Variants in ANK3 observed in about 807,000 individuals in gnomAD.
ANK3 encodes ankyrin 3.
Under a neutral mutation model 370.9 loss-of-function variants are expected in ANK3, and 57 were observed. That is an observed-to-expected ratio of 0.15 (90% CI 0.12 to 0.19). ANK3 has a LOEUF of 0.19. Among genes scored for constraint, ANK3 ranks in the 10% least tolerant of loss-of-function variants. The pLI is 1.00. For missense variants in ANK3, 4,439 were observed against 5,302.1 expected, an observed-to-expected ratio of 0.84 and a Z score of 5.06; for synonymous variants, 1,929 against 1,946.3, an observed-to-expected ratio of 0.99 and a Z score of 0.23.
intron 8 of ANK3, among the ~76,000 whole-genome samples, chr10:60,232,779 A>G (rs1227736509): frequency 6.6e-6 from 1 of 152,082 alleles, no homozygotes; most frequent in Non-Finnish European, 1.5e-5. Flanking sequence ...AGGGCAGGGG[A>G]AGTGTTGTGG....
chr10:60,059,571 A>G, intron 40 of ANK3, 141 bp from the exon 41 acceptor site: 1 of 1,242,658 alleles, frequency 8.0e-7, no homozygotes, highest in Non-Finnish European at 1.2e-6. Context: ...CTCTTCCATC[A>G]TCTCCTCATC....
intron 1 of ANK3, among the ~76,000 whole-genome samples, chr10:60,359,328 A>T (rs1235702956): frequency 6.6e-6 from 1 of 152,168 alleles, no homozygotes; most frequent in Non-Finnish European, 1.5e-5. Context: ...ACTCCTCTCC[A>T]GCTAAAGCAT....
Position 60,663,232 on chromosome 10 carries a change from T to C in ANK3, c.58-48008A>G, listed in dbSNP as rs555790602. ...TTGAAATTCTGATTCAAGAAACTAC[T>C]ACAAGCATTTTGTGGGGAAAGGGCC... On this transcript the variant is annotated intron_variant, in intron 1 of 43. Coordinates refer to the ANK3 transcript ENST00000373827. 2.6e-5 allele frequency among the ~76,000 whole-genome samples: 4 copies of C among 152,354 alleles called. No homozygotes were observed. In the South Asian group the frequency reaches 6.2e-4, roughly 24 times the overall value.
chr10:60,039,177 G>A (rs901983001), intron 43 of ANK3, among the ~76,000 whole-genome samples: 4 of 152,198 alleles, frequency 2.6e-5, no homozygotes, highest in Admixed American at 2.0e-4. Context: ...AATATTCTTT[G>A]AAGAAATAAA....
rs1426716541 is a variant in ANK3, at chr10:60,082,611, A to G, written c.4323+4T>C. ...AGACAATTTAAAGCAGTATTAAAAGATACCTTTTTATGTGCTGGCAGAGTG... is the reference window on the plus strand; with the variant it reads ...AGACAATTTAAAGCAGTATTAAAAGGTACCTTTTTATGTGCTGGCAGAGTG... On this transcript the variant is annotated splice_donor_region_variant and intron_variant, in intron 34 of 43. Transcript: ENST00000280772. 1 of 1,613,316 alleles carries G rather than the reference A, an allele frequency of 6.2e-7. No homozygotes were observed. The highest frequency in any genetic ancestry group is 1.1e-5 in the South Asian group (1 of 90,906).
At chr10:60,039,030 T>C (rs1015600761) in intron 43 of ANK3, among the ~76,000 whole-genome samples, 3 of 152,234 alleles carry the variant, frequency 2.0e-5, no homozygotes, top group Admixed American at 1.3e-4. Context: ...TCCTGGACTT[T>C]GTATTTTCAG....
At chr10:60,240,679 T>C (rs1445551717) in intron 7 of ANK3, among the ~76,000 whole-genome samples, 1 of 151,830 alleles carries the variant, frequency 6.6e-6, no homozygotes, top group Admixed American at 6.6e-5. Flanking sequence ...GCAACCTCCA[T>C]CTCCCAGGTT....
At chr10:60,430,793 T>C (rs2064002029) in intron 2 of ANK3, among the ~76,000 whole-genome samples, 1 of 151,978 alleles carries the variant, frequency 6.6e-6, no homozygotes, top group Non-Finnish European at 1.5e-5. Flanking sequence ...ATAACACAAA[T>C]AGGTGTGAAA....
rs562913540 is a variant in ANK3, at chr10:60,075,208, T to C, written c.5673A>G (p.Thr1891=). Residue 1891 remains threonine (T), a synonymous_variant, in exon 37 of 44, where the codon ACA becomes ACG. Coordinates refer to ENST00000280772, the MANE Select transcript of ANK3 (RefSeq NM_020987.5). ...FLAPSALKLS[T]PSSLSSSQEI... is the part of the protein sequence containing the mutation. ...CCTGACTGGAAGATAAAGAAGATGG[T>C]GTAGACAACTTAAGGGCAGAGGGTG... is the stretch of plus-strand genomic sequence containing the variant. The C allele has an allele frequency of 6.5e-5, 105 of 1,614,208 alleles. 1 individual carries two copies. The highest frequency in any genetic ancestry group is 5.9e-4 in the South Asian group (54 of 91,082).
intron 1 of ANK3, among the ~76,000 whole-genome samples, chr10:60,320,509 G>C (rs1373621290): frequency 6.6e-6 from 1 of 152,208 alleles, no homozygotes; most frequent in Non-Finnish European, 1.5e-5. Flanking sequence ...GCGGGCATGA[G>C]AATCGTTTGA....
intron 2 of ANK3, among the ~76,000 whole-genome samples, chr10:60,596,472 C>T (rs2077989310): frequency 6.6e-6 from 1 of 152,110 alleles, no homozygotes; most frequent in Non-Finnish European, 1.5e-5. Context: ...TTACTATACG[C>T]TATGGTAGAA....
intron 42 of ANK3, 41 bp from the exon 43 acceptor site, chr10:60,042,800 A>T: frequency 6.5e-7 from 1 of 1,531,202 alleles, no homozygotes; most frequent in Non-Finnish European, 8.7e-7. Flanking sequence ...ACAGTGAAAC[A>T]GTGTTAGTTA....
At position 60,055,860 on chromosome 10, in the gene ANK3, T is replaced by C. The variant is rs1197181984; in HGVS notation, c.12863A>G (p.His4288Arg). ...TGGTTCTTCAACATGACCAGATCCA[T>C]GTATTTTTGGTTTCAGAGTTTCCTT... ...STKETLKPKIHGSGHVEEPAS... is the reference protein window; with the variant it reads ...STKETLKPKIRGSGHVEEPAS... Residue 4288 changes from histidine to arginine, a missense_variant, in exon 42 of 44, where the codon CAT becomes CGT. His to Arg is a conservative substitution (Grantham distance 29). Around this residue, in one of 13 missense-constraint regions of ANK3, gnomAD observed 242 missense variants for 228.0 expected, o/e 1.06. Coordinates refer to ENST00000280772, the MANE Select transcript of ANK3 (RefSeq NM_020987.5). 3 of 1,614,192 alleles carry C rather than the reference T, an allele frequency of 1.9e-6. No individual in the cohort carries two copies. Among genetic ancestry groups the C allele is most frequent in the East Asian group, 4.5e-5 (2 of 44,884 alleles).
intron 2 of ANK3, among the ~76,000 whole-genome samples, chr10:60,548,088 A>G (rs1200483745): frequency 1.3e-5 from 2 of 152,212 alleles, no homozygotes; most frequent in African/African-American, 4.8e-5. Flanking sequence ...AAAGTATTTG[A>G]AAACGTTCAC....
At chr10:60,236,529 G>A (rs2097337135) in intron 7 of ANK3, among the ~76,000 whole-genome samples, 4 of 151,858 alleles carry the variant, frequency 2.6e-5, no homozygotes, top group Admixed American at 1.3e-4. Context: ...TTCCACACCT[G>A]GATTTGACTG....
chr10:60,609,022 C>A (rs2133314721), intron 2 of ANK3, among the ~76,000 whole-genome samples: 1 of 152,112 alleles, frequency 6.6e-6, no homozygotes, highest in African/African-American at 2.4e-5. Flanking sequence ...AACCTGCTAC[C>A]TGGAAAATGG....
chr10:60,112,603 C>T (rs1041453539), intron 26 of ANK3, among the ~76,000 whole-genome samples: 12 of 152,150 alleles, frequency 7.9e-5, no homozygotes, highest in Admixed American at 7.9e-4. Flanking sequence ...AAATCTATAA[C>T]GGTATTTTAA....
intron 1 of ANK3, among the ~76,000 whole-genome samples, chr10:60,303,840 T>C (rs943649244): frequency 4.4e-4 from 67 of 152,010 alleles, no homozygotes; most frequent in African/African-American, 1.6e-3. Flanking sequence ...AAGAACTAAA[T>C]TGTCTGTTGA....
chr10:60,458,827 T>G (rs1595072142), intron 2 of ANK3, among the ~76,000 whole-genome samples: 1 of 152,118 alleles, frequency 6.6e-6, no homozygotes, highest in East Asian at 1.9e-4. Flanking sequence ...GGGTCATGCT[T>G]GAGGGTCTGC....
Sources: gnomAD v4.1 joint callset for allele counts (sites outside exome capture counted in the v4.1 genomes callset) on GRCh38, gnomAD v4.1.1 for gene constraint, gnomAD v4.1.1 regional missense constraint, MANE v1.5 for transcripts, NCBI Gene and HGNC (gene_info 2026-07-23, HGNC 2026-07-21) for gene names.